Variants in PHC1 observed in about 807,000 individuals in gnomAD.
PHC1 encodes polyhomeotic homolog 1.
A neutral mutation model predicts 104.3 loss-of-function variants in PHC1; 12 were observed. The observed-to-expected ratio is 0.12, with a 90% CI of 0.07 to 0.19. The LOEUF (loss-of-function observed/expected upper bound fraction) is 0.19. Among genes scored for constraint, PHC1 ranks in the 10% least tolerant of loss-of-function variants. PHC1 has a pLI of 1.00. For synonymous variants in PHC1, 302 were observed against 455.8 expected (o/e 0.66, Z 4.30); for missense variants, 671 against 1,200.0 (o/e 0.56, Z 6.51).
chr12:8,938,092 T>A (rs751708322), intron 14 of PHC1, 32 bp downstream of exon 14: 1 of 1,517,164 alleles, frequency 6.6e-7, no homozygotes, highest in Non-Finnish European at 9.1e-7. Context: ...GAACCCAGGT[T>A]GTTTTCCTTA....
In PHC1 at chr12:8,940,643, T is replaced by G. The variant is rs1945985126; in HGVS notation, c.*1184T>G. On this transcript the variant is annotated 3_prime_UTR_variant, in exon 15 of 15. Transcript: ENST00000544916. ...GTGTCCAGTGGAGCCATGTTACTCT[T>G]CAGTGGCCCAGGGGTTCACTATTAA... 1 of 70,860 alleles carries G rather than the reference T, an allele frequency of 1.4e-5. No homozygotes were observed. The highest frequency in any genetic ancestry group is 2.8e-5 in the Non-Finnish European group (1 of 36,010). 4.4% of individuals were successfully genotyped at this position (70,860 alleles called of 1,614,324 possible).
intron 13 of PHC1, 60 bp downstream of exon 13, chr12:8,937,386 A>G: frequency 7.0e-7 from 1 of 1,437,814 alleles, no homozygotes; most frequent in Non-Finnish European, 9.3e-7. Flanking sequence ...CTTTCCCTGC[A>G]GGGCAATTCA....
chr12:8,926,521 T>C (rs1945516083), intron 6 of PHC1, among the ~76,000 whole-genome samples: 1 of 152,034 alleles, frequency 6.6e-6, no homozygotes, highest in African/African-American at 2.4e-5. Flanking sequence ...CTTGGGAGGC[T>C]GAGGAAGGAG....
rs2137096735 is a variant in PHC1 at position 8,928,476 on chromosome 12, A to G, written c.613-1959A>G. Among the ~76,000 whole-genome samples, 3 of 152,300 alleles carry G rather than the reference A, an allele frequency of 2.0e-5. No individual in the cohort carries two copies. The Middle Eastern group carries it at 0.01, about 518-fold the overall frequency. ...TTTAATAATGTAATAAGCAGTGTGC[A>G]GTTCCGTCTACTGCCTTCCATTACC... On this transcript the variant is annotated intron_variant, in intron 6 of 14. Transcript: ENST00000544916.
intron 6 of PHC1, among the ~76,000 whole-genome samples, chr12:8,925,108 C>A (rs1330062337): frequency 6.6e-6 from 1 of 152,204 alleles, no homozygotes; most frequent in African/African-American, 2.4e-5. Flanking sequence ...AAATACGCAT[C>A]TGATGGGTCA....
At chr12:8,921,129 CT>C (rs1324212283) in intron 4 of PHC1, 64 bp downstream of exon 4, 1 of 1,190,790 alleles carries the variant, frequency 8.4e-7, no homozygotes, top group East Asian at 2.3e-5. Flanking sequence ...GGTTAAATTA[CT>C]TTGTGCCGCT....
chr12:8,938,471 A>AG (rs1945907838), intron 14 of PHC1, among the ~76,000 whole-genome samples: 3 of 150,416 alleles, frequency 2.0e-5, no homozygotes, highest in Admixed American at 6.6e-5. Flanking sequence ...AAACAGAGAC[A>AG]GGGATTCCCT....
Position 8,917,714 on chromosome 12 carries a change from A to G in PHC1, c.37A>G (p.Asn13Asp). 1.9e-6 allele frequency: 3 copies of G among 1,571,632 alleles called. No individual in the cohort carries two copies. The highest frequency in any genetic ancestry group is 2.6e-6 in the Non-Finnish European group (3 of 1,162,442). Residue 13 changes from asparagine to aspartate, a missense_variant, in exon 2 of 15, where the codon AAT becomes GAT. By Grantham distance (23) the Asn-to-Asp change is conservative (BLOSUM62 1). This residue lies in a region of PHC1 where 237 missense variants were observed against 331.1 expected (regional missense o/e 0.72). Coordinates refer to ENST00000544916, the MANE Select transcript of PHC1 (RefSeq NM_004426.3). Reference sequence around the variant, plus strand: ...GAGCGAGCAGAACTCCAATTCCACCAATGGGAGTTCTAGCTCAGGGGGCAG... The same window carrying G: ...GAGCGAGCAGAACTCCAATTCCACCGATGGGAGTTCTAGCTCAGGGGGCAG... ...TESEQNSNST[N>D]GSSSSGGSSR...
At chr12:8,927,174 TAG>T (rs1331831973) in intron 6 of PHC1, among the ~76,000 whole-genome samples, 1 of 152,078 alleles carries the variant, frequency 6.6e-6, no homozygotes, top group Admixed American at 6.6e-5. Flanking sequence ...CTTTCTAATG[TAG>T]AGAGAGAAAG....
chr12:8,933,396 T>C, intron 8 of PHC1, 46 bp downstream of exon 8: 1 of 1,493,618 alleles, frequency 6.7e-7, no homozygotes, highest in Non-Finnish European at 9.0e-7. Context: ...TGCATGAGAG[T>C]GGACCTGGGC....
chr12:8,919,665 C>G lies in PHC1; in HGVS notation c.115-91C>G. 1.5e-6 allele frequency: 2 copies of G among 1,292,450 alleles called. No individual in the cohort carries two copies. Among genetic ancestry groups the G allele is most frequent in the East Asian group, 5.0e-5 (2 of 39,860 alleles). The allele number at this position is 1,292,450 out of a possible 1,614,324, so 80.1% of individuals were successfully genotyped here. Reference sequence around the variant, plus strand: ...CCATCTCCTCTGGTTTCTGTCCTTCCCATGGCCCCCTTTCACACAAATACA... The same window carrying G: ...CCATCTCCTCTGGTTTCTGTCCTTCGCATGGCCCCCTTTCACACAAATACA... On this transcript the variant is annotated intron_variant, in intron 2 of 14. Transcript: ENST00000544916. This position sits in a 1 kb window ranked among gnomAD's most constrained non-coding sequence, Gnocchi z 4.9.
rs1945946810 is a variant in PHC1, at chr12:8,939,503, C to T, written c.*44C>T. On this transcript the variant is annotated 3_prime_UTR_variant, in exon 15 of 15. Transcript: ENST00000544916. ...ACCAGCCTAAGGCAGACACTCTCCA[C>T]TGTCCAGGTTATAACCTGGTACCAG... The T allele has an allele frequency of 2.7e-6, 3 of 1,120,842 alleles. No individual in the cohort carries two copies. Among genetic ancestry groups the T allele is most frequent in the Non-Finnish European group, 3.8e-6 (3 of 783,830 alleles). 69.4% of individuals were successfully genotyped at this position (1,120,842 alleles called of 1,614,324 possible).
chr12:8,938,106 T>G, intron 14 of PHC1, 46 bp downstream of exon 14: 1 of 1,340,886 alleles, frequency 7.5e-7, no homozygotes, highest in Non-Finnish European at 1.1e-6. Flanking sequence ...TTCCTTAACA[T>G]CATCCCACAG....
At chr12:8,927,853 T>TTTTTTCTTTC (rs1555127853) in intron 6 of PHC1, among the ~76,000 whole-genome samples, 7 of 110,820 alleles carry the variant, frequency 6.3e-5, no homozygotes, top group African/African-American at 2.4e-4. Flanking sequence ...ACTGTACTAG[T>TTTTTTCTTTC]TTTCTTTCTT....
intron 2 of PHC1, among the ~76,000 whole-genome samples, chr12:8,918,676 T>C (rs1945270894): frequency 6.6e-6 from 1 of 152,190 alleles, no homozygotes; most frequent in Non-Finnish European, 1.5e-5. Flanking sequence ...TTGTTTATTT[T>C]CACCCGATCT....
intron 13 of PHC1, 121 bp from the exon 14 acceptor site, chr12:8,937,708 C>T: frequency 1.4e-6 from 1 of 704,286 alleles, no homozygotes; most frequent in Non-Finnish European, 2.4e-6. Flanking sequence ...TAAAGTGCTG[C>T]TTATTTCACA....
Position 8,932,624 on chromosome 12 carries a change from G to A in PHC1, c.1167G>A (p.Gln389=), listed in dbSNP as rs780800530. 5.6e-6 allele frequency: 9 copies of A among 1,614,048 alleles called. No individual in the cohort carries two copies. The East Asian group carries it at 1.6e-4, about 28-fold the overall frequency. Residue 389 remains glutamine, a synonymous_variant, in exon 8 of 15, where the codon CAG becomes CAA. Transcript: ENST00000544916. ...AGCAACAGCAACAGATCCACCTCCAGCAGAAACAGGTGGTGATCCAGCAGC... is the reference window on the plus strand; with the variant it reads ...AGCAACAGCAACAGATCCACCTCCAACAGAAACAGGTGGTGATCCAGCAGC... ...LIQQQQQIHL[Q]QKQVVIQQQI... is the part of the protein sequence containing the mutation.
At chr12:8,938,145 C>CT (rs1450425388) in intron 14 of PHC1, 85 bp downstream of exon 14, 17 of 883,276 alleles carry the variant, frequency 1.9e-5, no homozygotes, top group Middle Eastern at 2.2e-4. Context: ...AAGTAATTGA[C>CT]TTTTAAGCAG....
intron 5 of PHC1, 23 bp downstream of exon 5, chr12:8,921,773 A>G: frequency 6.4e-7 from 1 of 1,566,092 alleles, no homozygotes; most frequent in Non-Finnish European, 8.6e-7. Flanking sequence ...TGCAGTCACC[A>G]TTGCCCCAGA....
Sources: allele counts gnomAD v4.1 joint callset (sites outside exome capture counted in the v4.1 genomes callset), GRCh38; gene constraint gnomAD v4.1.1; regional missense constraint gnomAD v4.1.1; non-coding constraint Gnocchi (gnomAD v3.1); transcripts MANE v1.5; gene names NCBI Gene and HGNC (gene_info 2026-07-23, HGNC 2026-07-21).